LRRC4C: variants seen among roughly 807,000 people sequenced by gnomAD.
The protein encoded by LRRC4C is leucine-rich repeat-containing protein 4C.
A neutral mutation model predicts 33.6 loss-of-function variants in LRRC4C; 5 were observed. The observed-to-expected ratio is 0.15, with a 90% CI of 0.08 to 0.31. The LOEUF (loss-of-function observed/expected upper bound fraction) is 0.31. Among genes scored for constraint, LRRC4C ranks in the 10% least tolerant of loss-of-function variants. The probability of loss-of-function intolerance (pLI) is 1.00; values close to 1 mark genes in which losing one functional copy is unlikely to be tolerated. For synonymous variants in LRRC4C, 329 were observed against 302.0 expected, an observed-to-expected ratio of 1.09 and a Z score of -0.93; for missense variants, 560 against 796.7, an observed-to-expected ratio of 0.70 and a Z score of 3.58.
intron 3 of LRRC4C, among the ~76,000 whole-genome samples, chr11:40,498,787 C>T (rs987095267): frequency 6.6e-6 from 1 of 152,058 alleles, no homozygotes; most frequent in Non-Finnish European, 1.5e-5. Flanking sequence ...ACTTATAAGA[C>T]ATTTATGTAT....
chr11:40,169,026 G>A (rs2135416898), intron 5 of LRRC4C, among the ~76,000 whole-genome samples: 1 of 151,786 alleles, frequency 6.6e-6, no homozygotes, highest in East Asian at 1.9e-4. Flanking sequence ...TCTAACCCTT[G>A]AGTTTTATAA....
At chr11:40,371,113 C>T (rs1948431181) in intron 3 of LRRC4C, among the ~76,000 whole-genome samples, 2 of 152,042 alleles carry the variant, frequency 1.3e-5, no homozygotes, top group South Asian at 2.1e-4. Context: ...AATTAAAAAA[C>T]ACTCACTTTA....
At chr11:40,298,348 T>A (rs1329123419) in intron 4 of LRRC4C, among the ~76,000 whole-genome samples, 1 of 151,462 alleles carries the variant, frequency 6.6e-6, no homozygotes, top group Admixed American at 6.6e-5. Flanking sequence ...TAAGTGGCTC[T>A]TTTTGATCTT....
At chr11:41,212,414 A>G (rs916844306) in intron 1 of LRRC4C, among the ~76,000 whole-genome samples, 2 of 152,162 alleles carry the variant, frequency 1.3e-5, no homozygotes, top group Non-Finnish European at 2.9e-5. Context: ...TTTTTGCTTC[A>G]ACTTCTGTTT....
intron 3 of LRRC4C, among the ~76,000 whole-genome samples, chr11:40,479,483 A>T: frequency 6.6e-6 from 1 of 152,152 alleles, no homozygotes; most frequent in Admixed American, 6.5e-5. Flanking sequence ...AGCAGTGAAG[A>T]ACCGCTATGA....
In LRRC4C at chr11:40,369,986, T is replaced by A. The variant is rs925702975; in HGVS notation, c.-269-50265A>T. Among the ~76,000 whole-genome samples, 7 of 152,340 alleles carry A rather than the reference T, an allele frequency of 4.6e-5. 1 individual carries two copies. In the South Asian group the frequency reaches 6.2e-4, roughly 14 times the overall value. On this transcript the variant is annotated intron_variant, in intron 3 of 6. Coordinates refer to ENST00000528697, the MANE Select transcript of LRRC4C (RefSeq NM_001258419.2). ...ATATATCGATCAGGTTATTTCCATT[T>A]TTTTTGGTAGAGAGAAGAAGAAAAA...
In LRRC4C at chr11:40,594,615, T is replaced by G. The variant is rs183406975; in HGVS notation, c.-270+53527A>C. Among the ~76,000 whole-genome samples, 131 of 152,274 alleles carry G rather than the reference T, an allele frequency of 8.6e-4. 1 individual carries two copies. In the East Asian group the frequency reaches 0.025, roughly 28 times the overall value. ...ACATGAGGTAGAAAGTAACTCCTAT[T>G]TTTTAAAAAAATAGAGGTTAAGCAG... On this transcript the variant is annotated intron_variant, in intron 3 of 6. Coordinates refer to ENST00000528697, the MANE Select transcript of LRRC4C (RefSeq NM_001258419.2).
chr11:41,408,747 T>TAAAAAAAAAAAAAAAAAAA (rs35914452), intron 1 of LRRC4C, among the ~76,000 whole-genome samples: 10 of 131,774 alleles, frequency 7.6e-5, no homozygotes, highest in African/African-American at 3.2e-4. Flanking sequence ...TATATTTTTG[T>TAAAAAAAAAAAAAAAAAAA]AAAAAAAAAA....
At chr11:41,325,272 A>G (rs887799671) in intron 1 of LRRC4C, among the ~76,000 whole-genome samples, 1 of 152,200 alleles carries the variant, frequency 6.6e-6, no homozygotes, top group Non-Finnish European at 1.5e-5. Flanking sequence ...GACAAAATAA[A>G]TACTTTAATC....
chr11:40,791,652 C>A (rs1950626432), intron 2 of LRRC4C, among the ~76,000 whole-genome samples: 1 of 152,118 alleles, frequency 6.6e-6, no homozygotes, highest in South Asian at 2.1e-4. Flanking sequence ...ATGAAACATG[C>A]CTGAATTGTA....
intron 3 of LRRC4C, among the ~76,000 whole-genome samples, chr11:40,527,026 A>G (rs1039061315): frequency 3.9e-5 from 6 of 152,178 alleles, no homozygotes; most frequent in African/African-American, 1.4e-4. Flanking sequence ...ATAAAATTAT[A>G]TGCTTTATGT....
intron 2 of LRRC4C, among the ~76,000 whole-genome samples, chr11:40,774,668 T>C (rs1949906124): frequency 6.6e-6 from 1 of 152,218 alleles, no homozygotes. Flanking sequence ...GACAAAACTC[T>C]AATTCTGAGC....
chr11:40,158,421 T>C (rs548546121), intron 5 of LRRC4C, among the ~76,000 whole-genome samples: 2 of 152,128 alleles, frequency 1.3e-5, no homozygotes, highest in Admixed American at 1.3e-4. Context: ...GAAAAAATTT[T>C]AAAAATTACA....
intron 1 of LRRC4C, among the ~76,000 whole-genome samples, chr11:41,304,189 G>T (rs981743566): frequency 1.0e-4 from 10 of 95,842 alleles, no homozygotes; most frequent in Non-Finnish European, 2.4e-5. Context: ...TCAGCCCCCC[G>T]CCTGGCCAGC....
At chr11:41,421,368 T>C (rs1052791511) in intron 1 of LRRC4C, among the ~76,000 whole-genome samples, 8 of 152,192 alleles carry the variant, frequency 5.3e-5, no homozygotes, top group Middle Eastern at 3.4e-3. Flanking sequence ...TGCTACCAAT[T>C]CAGAGTTCAG....
intron 5 of LRRC4C, among the ~76,000 whole-genome samples, chr11:40,175,570 C>T (rs911218958): frequency 5.9e-5 from 9 of 152,202 alleles, no homozygotes; most frequent in Non-Finnish European, 1.3e-4. Context: ...TCTTCCTCTG[C>T]AGAGTGATGG....
chr11:40,795,495 A>G (rs901524447), intron 2 of LRRC4C, among the ~76,000 whole-genome samples: 1 of 152,190 alleles, frequency 6.6e-6, no homozygotes, highest in Non-Finnish European at 1.5e-5. Context: ...ATGCCACTGC[A>G]CTCCAGCCTG....
chr11:40,913,846 T>G, intron 2 of LRRC4C, among the ~76,000 whole-genome samples: 1 of 151,684 alleles, frequency 6.6e-6, no homozygotes, highest in East Asian at 1.9e-4. Context: ...ATAGACGCAA[T>G]AAAAAATGAT....
chr11:41,138,736 T>C lies in LRRC4C; in HGVS notation c.-495-205013A>G, dbSNP rs534407151. On this transcript the variant is annotated intron_variant, in intron 1 of 6. Transcript: ENST00000528697. ...CCTAAATAGATATTCTGAAAACCCA[T>C]TGGGAACAGATGCATTTCAATAAGT... Among the ~76,000 whole-genome samples, 223 of 152,292 alleles carry C rather than the reference T, an allele frequency of 1.5e-3. 1 individual carries two copies. The highest frequency in any genetic ancestry group is 5.1e-3 in the African/African-American group (210 of 41,584).
Sources: allele counts gnomAD v4.1 joint callset (sites outside exome capture counted in the v4.1 genomes callset), GRCh38; gene constraint gnomAD v4.1.1; transcripts MANE v1.5; gene names NCBI Gene and HGNC (gene_info 2026-07-23, HGNC 2026-07-21).